SREBF2: variants seen among roughly 807,000 people sequenced by gnomAD.
SREBF2 encodes the protein sterol regulatory element binding transcription factor 2, also known as sterol regulatory element-binding protein 2.
In SREBF2, 55 loss-of-function variants were observed where a neutral mutation model predicts 113.1. The ratio of observed to expected loss-of-function variants is 0.49; its 90% CI spans 0.39 to 0.61. SREBF2 has a LOEUF of 0.61. Among genes scored for constraint, SREBF2 ranks in the 20% least tolerant of loss-of-function variants. The pLI is 0.00. For missense variants in SREBF2, 1,349 were observed against 1,487.4 expected, an observed-to-expected ratio of 0.91 and a Z score of 1.53; for synonymous variants, 593 against 605.7, an observed-to-expected ratio of 0.98 and a Z score of 0.31.
At chr22:41,851,653 C>T (rs2076931942) in intron 1 of SREBF2, among the ~76,000 whole-genome samples, 4 of 152,000 alleles carry the variant, frequency 2.6e-5, no homozygotes, top group Admixed American at 2.6e-4. Flanking sequence ...ACCACCACGC[C>T]CAGCTGATTT....
Position 41,875,347 on chromosome 22 carries a change from C to G in SREBF2, c.1100C>G (p.Ser367Cys). 6.2e-7 allele frequency: 1 copy of G among 1,613,766 alleles called. No individual in the cohort carries two copies. Among genetic ancestry groups the G allele is most frequent in the Non-Finnish European group, 8.5e-7 (1 of 1,179,650 alleles). Reference sequence around the variant, plus strand: ...CATCTTCCTACCCAGATGCACAAGTCTGGCGTTCTGAGGAAGGCCATTGAT... The same window carrying G: ...CATCTTCCTACCCAGATGCACAAGTGTGGCGTTCTGAGGAAGGCCATTGAT... ...VMGTDAKMHK[S>C]GVLRKAIDYI... Residue 367 changes from serine to cysteine, a missense_variant, in exon 6 of 19, where the codon TCT (serine) becomes TGT (cysteine). Physicochemically the swap from Ser to Cys is moderately radical, Grantham distance 112. Transcript: ENST00000361204.
chr22:41,901,871 T>G (rs2148420977), intron 16 of SREBF2, among the ~76,000 whole-genome samples: 2 of 152,304 alleles, frequency 1.3e-5, no homozygotes, highest in East Asian at 3.9e-4. Flanking sequence ...AGCTCTGTGG[T>G]AGGAAAGTGA....
intron 4 of SREBF2, 71 bp downstream of exon 4, chr22:41,871,106 T>C: frequency 1.3e-6 from 2 of 1,599,178 alleles, no homozygotes; most frequent in Middle Eastern, 1.7e-4. Context: ...TTCAGAGATG[T>C]TAAATCTCTA....
rs569691726 is a variant in SREBF2 at position 41,905,305 on chromosome 22, G to A, written c.3206-135G>A. The stretch of plus-strand genomic sequence containing the variant: ...GGCTGGACAAGTTCACTTCTTTTCC[G>A]TGGATTGGGTGGGGCAGCAGACCCC... On this transcript the variant is annotated intron_variant, in intron 18 of 18. Coordinates refer to ENST00000361204, the MANE Select transcript of SREBF2 (RefSeq NM_004599.4). 6.3e-4 allele frequency: 561 copies of A among 893,428 alleles called. 2 individuals carry two copies. The Middle Eastern group carries it at 6.6e-3, about 11-fold the overall frequency. 55.3% of individuals were successfully genotyped at this position (893,428 alleles called of 1,614,324 possible).
chr22:41,873,415 T>G (rs2077164691), intron 4 of SREBF2, among the ~76,000 whole-genome samples: 1 of 152,150 alleles, frequency 6.6e-6, no homozygotes, highest in African/African-American at 2.4e-5. Flanking sequence ...AAATGTGTCA[T>G]ACACTAGGAG....
At chr22:41,855,431 C>T (rs1235498002) in intron 1 of SREBF2, among the ~76,000 whole-genome samples, 3 of 151,890 alleles carry the variant, frequency 2.0e-5, no homozygotes, top group African/African-American at 4.8e-5. Flanking sequence ...GAGACTGAGG[C>T]GGGAGAATTG....
At chr22:41,854,242 C>T (rs1309787124) in intron 1 of SREBF2, among the ~76,000 whole-genome samples, 1 of 151,536 alleles carries the variant, frequency 6.6e-6, no homozygotes, top group Non-Finnish European at 1.5e-5. Flanking sequence ...CGACTCACTG[C>T]AACCCCTGCC....
chr22:41,850,980 A>G (rs2076923562), intron 1 of SREBF2, among the ~76,000 whole-genome samples: 1 of 152,058 alleles, frequency 6.6e-6, no homozygotes, highest in African/African-American at 2.4e-5. Flanking sequence ...ACCTCAAGTG[A>G]TCCGCCCACC....
chr22:41,833,446 C>T lies in SREBF2; in HGVS notation c.88+88C>T, dbSNP rs1334446750. 4.2e-6 allele frequency: 5 copies of T among 1,195,950 alleles called. No homozygotes were observed. In the African/African-American group the frequency reaches 7.9e-5, roughly 19 times the overall value. 74.1% of individuals were successfully genotyped at this position (1,195,950 alleles called of 1,614,324 possible). On this transcript the variant is annotated intron_variant, in intron 1 of 18. Transcript: ENST00000361204. The surrounding 1 kb of genome is among the most constrained non-coding windows in gnomAD (Gnocchi z 4.1). The stretch of plus-strand genomic sequence containing the variant: ...CCCGGGTGCGCGTGCGCCCACCCCC[C>T]GACAGCCCCGGTTCGCGCGGGAAGA...
At chr22:41,895,366 C>T (rs895531777) in intron 13 of SREBF2, among the ~76,000 whole-genome samples, 6 of 150,948 alleles carry the variant, frequency 4.0e-5, no homozygotes, top group African/African-American at 1.5e-4. Context: ...GTCTCGACCT[C>T]GTGATCCGCC....
intron 10 of SREBF2, 121 bp downstream of exon 10, chr22:41,881,113 G>A: frequency 7.4e-7 from 1 of 1,345,786 alleles, no homozygotes; most frequent in Non-Finnish European, 1.0e-6. Context: ...CTCTTTTAGA[G>A]TGGCTAGACC....
At chr22:41,864,261 TACACACAC>T (rs1158750306) in intron 1 of SREBF2, among the ~76,000 whole-genome samples, 9 of 51,004 alleles carry the variant, frequency 1.8e-4, no homozygotes, top group African/African-American at 2.3e-4. Flanking sequence ...TATATATATA[TACACACAC>T]ACACACACAC....
rs1220137406 is a variant in SREBF2 at position 41,884,874 on chromosome 22, G to A, written c.2071G>A (p.Val691Ile). The change falls in exon 11 of 19, where the codon GTA (valine) becomes ATA (isoleucine). Residue 691 changes from valine to isoleucine, a missense_variant. Physicochemically the swap from Val to Ile is conservative, Grantham distance 29 (BLOSUM62 3). Transcript: ENST00000361204. ...KLPAGSACSD[V>I]HMALCAVNLA... ...TCCTGCAGGATCCGCCTGTTCCGATGTACACATGGCGTTGTGTGCCGTGAA... is the reference window on the plus strand; with the variant it reads ...TCCTGCAGGATCCGCCTGTTCCGATATACACATGGCGTTGTGTGCCGTGAA... The A allele has an allele frequency of 1.9e-6, 3 of 1,614,224 alleles. No homozygotes were observed. The highest frequency in any genetic ancestry group is 1.1e-5 in the South Asian group (1 of 91,090).
intron 10 of SREBF2, 124 bp downstream of exon 10, chr22:41,881,116 G>T: frequency 7.8e-7 from 1 of 1,281,026 alleles, no homozygotes; most frequent in Non-Finnish European, 1.1e-6. Context: ...TTTTAGAGTG[G>T]CTAGACCAAG....
intron 16 of SREBF2, among the ~76,000 whole-genome samples, chr22:41,901,260 T>C (rs1406054951): frequency 6.6e-6 from 1 of 152,176 alleles, no homozygotes; most frequent in African/African-American, 2.4e-5. Context: ...GGCTTGGTCT[T>C]AGCTGGCTAG....
intron 10 of SREBF2, 131 bp downstream of exon 10, chr22:41,881,123 C>A: frequency 2.5e-6 from 3 of 1,218,776 alleles, no homozygotes; most frequent in Admixed American, 2.3e-5. Flanking sequence ...GTGGCTAGAC[C>A]AAGCTTCTAC....
rs1478255554 is a variant in SREBF2 at position 41,875,424 on chromosome 22, G to T, written c.1177G>T (p.Val393Leu). The change falls in exon 6 of 19, where the codon GTG becomes TTG. Residue 393 changes from valine to leucine, a missense_variant. Transcript: ENST00000361204. The stretch of plus-strand genomic sequence containing the variant: ...TCATAAACTGCGCCAGGAGAACATG[G>T]TGCTGAAGCTGGCAAATCAAAAGAA... Reference protein sequence around the residue: ...VNHKLRQENMVLKLANQKNKL... With the variant: ...VNHKLRQENMLLKLANQKNKL... 1.2e-6 allele frequency: 2 copies of T among 1,614,234 alleles called. No individual in the cohort carries two copies. Among genetic ancestry groups the T allele is most frequent in the Non-Finnish European group, 1.7e-6 (2 of 1,180,044 alleles).
intron 9 of SREBF2, among the ~76,000 whole-genome samples, chr22:41,879,496 G>A (rs2077226516): frequency 6.6e-6 from 1 of 152,202 alleles, no homozygotes; most frequent in Admixed American, 6.5e-5. Flanking sequence ...GGAGGGGTAA[G>A]AGCCAAAGAC....
intron 11 of SREBF2, among the ~76,000 whole-genome samples, chr22:41,891,817 G>C (rs183874983): frequency 4.6e-5 from 7 of 152,180 alleles, no homozygotes; most frequent in Non-Finnish European, 1.0e-4. Flanking sequence ...ACTCACCCTG[G>C]CCTGTTTCGG....
Sources: gnomAD v4.1 joint callset for allele counts (sites outside exome capture counted in the v4.1 genomes callset) on GRCh38, gnomAD v4.1.1 for gene constraint, Gnocchi (gnomAD v3.1) non-coding constraint, MANE v1.5 for transcripts, NCBI Gene and HGNC (gene_info 2026-07-23, HGNC 2026-07-21) for gene names.